The following MAP4K3 variants were observed in gnomAD, a reference collection of about 807,000 sequenced individuals.
The protein encoded by MAP4K3 is MAPK/ERK kinase kinase kinase 3.
A neutral mutation model predicts 143.5 loss-of-function variants in MAP4K3; 94 were observed. That is an observed-to-expected ratio of 0.65 (90% CI 0.55 to 0.78). The LOEUF (loss-of-function observed/expected upper bound fraction) is 0.78. MAP4K3 is among the 30% of genes least tolerant of loss of function. The pLI is 0.00. For synonymous variants in MAP4K3, 416 were observed against 347.2 expected, an observed-to-expected ratio of 1.20 and a Z score of -2.20; for missense variants, 1,077 against 1,068.1, an observed-to-expected ratio of 1.01 and a Z score of -0.12.
Position 39,282,510 on chromosome 2 carries a change from T to C in MAP4K3, c.1629+3A>G. 1 of 1,610,012 alleles carries C rather than the reference T, an allele frequency of 6.2e-7. No individual in the cohort carries two copies. The highest frequency in any genetic ancestry group is 8.5e-7 in the Non-Finnish European group (1 of 1,177,042). On this transcript the variant is annotated splice_donor_region_variant and intron_variant, in intron 22 of 33. Transcript: ENST00000263881. ...CTTAGCCTACTCCATATTTAGTACT[T>C]ACATGCACTTTAGGTGTTGGAGGAA...
chr2:39,353,094 C>G (rs1665504846), intron 3 of MAP4K3, among the ~76,000 whole-genome samples: 1 of 152,216 alleles, frequency 6.6e-6, no homozygotes, highest in Non-Finnish European at 1.5e-5. Flanking sequence ...AGACATCAGA[C>G]TAGCTACTTG....
chr2:39,429,149 A>G (rs913895928), intron 1 of MAP4K3, among the ~76,000 whole-genome samples: 4 of 151,732 alleles, frequency 2.6e-5, no homozygotes, highest in African/African-American at 9.7e-5. Context: ...GTCAGAAACT[A>G]CTAGTACAAT....
At chr2:39,258,862 T>C (rs934957969) in intron 29 of MAP4K3, among the ~76,000 whole-genome samples, 4 of 152,176 alleles carry the variant, frequency 2.6e-5, no homozygotes, top group South Asian at 2.1e-4. Flanking sequence ...AAAACAAACA[T>C]ACTTAAAATA....
chr2:39,335,976 C>A (rs565499698), intron 6 of MAP4K3, among the ~76,000 whole-genome samples: 25 of 151,494 alleles, frequency 1.7e-4, no homozygotes, highest in Middle Eastern at 3.4e-3. Flanking sequence ...TGTTAGAAAA[C>A]AAAAGGGGAA....
intron 21 of MAP4K3, among the ~76,000 whole-genome samples, chr2:39,284,754 G>C (rs1681689497): frequency 6.6e-6 from 1 of 151,680 alleles, no homozygotes; most frequent in Admixed American, 6.6e-5. Context: ...TGAGGCAGGA[G>C]AATCACTTGA....
chr2:39,398,744 A>AATG (rs1253448472), intron 1 of MAP4K3, among the ~76,000 whole-genome samples: 1 of 130,170 alleles, frequency 7.7e-6, no homozygotes, highest in East Asian at 2.2e-4. Context: ...TAATAATAAT[A>AATG]ATGATGATGA....
chr2:39,318,781 T>TA (rs1391258669), intron 12 of MAP4K3, among the ~76,000 whole-genome samples: 1 of 152,176 alleles, frequency 6.6e-6, no homozygotes, highest in Non-Finnish European at 1.5e-5. Context: ...TTTATCATCT[T>TA]AAAGTTCTAT....
At chr2:39,303,535 T>G (rs1363282426) in intron 15 of MAP4K3, among the ~76,000 whole-genome samples, 1 of 152,058 alleles carries the variant, frequency 6.6e-6, no homozygotes, top group East Asian at 1.9e-4. Flanking sequence ...ACATAGTGTT[T>G]TTTGGGTTTT....
intron 3 of MAP4K3, among the ~76,000 whole-genome samples, chr2:39,344,505 A>T (rs1397433765): frequency 6.6e-6 from 1 of 152,226 alleles, no homozygotes; most frequent in Non-Finnish European, 1.5e-5. Context: ...ATACTCATTT[A>T]TTTCTATACT....
At chr2:39,334,931 G>A (rs1683813199) in intron 6 of MAP4K3, among the ~76,000 whole-genome samples, 1 of 152,090 alleles carries the variant, frequency 6.6e-6, no homozygotes, top group African/African-American at 2.4e-5. Context: ...CTCTCCAAAG[G>A]CAGTAATATA....
At chr2:39,266,461 G>C (rs564367405) in intron 27 of MAP4K3, among the ~76,000 whole-genome samples, 2 of 152,260 alleles carry the variant, frequency 1.3e-5, no homozygotes, top group Admixed American at 1.3e-4. Flanking sequence ...ATCCAGCTAA[G>C]CGAATAGTCA....
At chr2:39,322,623 T>C (rs943350872) in intron 12 of MAP4K3, among the ~76,000 whole-genome samples, 1 of 151,568 alleles carries the variant, frequency 6.6e-6, no homozygotes, top group Admixed American at 6.6e-5. Context: ...TGTGTATATA[T>C]GTATATATAG....
chr2:39,319,373 T>A (rs945200624), intron 12 of MAP4K3, among the ~76,000 whole-genome samples: 1 of 152,142 alleles, frequency 6.6e-6, no homozygotes, highest in African/African-American at 2.4e-5. Context: ...AACAAAAGTT[T>A]GAACTGCAGA....
Position 39,325,526 on chromosome 2 carries a change from C to A in MAP4K3, c.910G>T (p.Asp304Tyr). The A allele has an allele frequency of 1.2e-6, 2 of 1,608,936 alleles. No individual in the cohort carries two copies. Among genetic ancestry groups the A allele is most frequent in the South Asian group, 1.1e-5 (1 of 90,804 alleles). The change falls in exon 12 of 34, where the codon GAT becomes TAT. Residue 304 changes from aspartate to tyrosine, a missense_variant. By Grantham distance (160) the Asp-to-Tyr change is radical (BLOSUM62 -3). Around this residue, in one of 2 missense-constraint regions of MAP4K3, gnomAD observed 864 missense variants for 801.2 expected, o/e 1.08. Transcript: ENST00000263881. ...GTAAAAGCAATTCCTACCTCAGGAT[C>A]ATCATCATCGAAATCATGGTAAGTG... is the stretch of plus-strand genomic sequence containing the variant. ...HSTYHDFDDD[D>Y]PEPLVAVPHR...
intron 12 of MAP4K3, among the ~76,000 whole-genome samples, chr2:39,321,191 T>A (rs2148510819): frequency 6.6e-6 from 1 of 152,324 alleles, no homozygotes; most frequent in African/African-American, 2.4e-5. Context: ...AGATTGTTAC[T>A]GTGTCTGTGT....
chr2:39,344,922 C>G (rs954892873), intron 3 of MAP4K3, among the ~76,000 whole-genome samples: 1 of 152,176 alleles, frequency 6.6e-6, no homozygotes, highest in Non-Finnish European at 1.5e-5. Flanking sequence ...CCAGAATAGG[C>G]TGGGTCACAC....
chr2:39,292,658 A>AC, intron 18 of MAP4K3, 115 bp downstream of exon 18: 1 of 828,362 alleles, frequency 1.2e-6, no homozygotes, highest in Non-Finnish European at 2.1e-6. Context: ...CTGAGATACA[A>AC]CCCATGATAT....
intron 2 of MAP4K3, among the ~76,000 whole-genome samples, chr2:39,374,350 A>T (rs1425348650): frequency 3.3e-5 from 5 of 152,042 alleles, no homozygotes; most frequent in African/African-American, 1.2e-4. Context: ...ACAGAGCGAG[A>T]CTCTATCTCA....
At chr2:39,343,802 T>C (rs1665208545) in intron 3 of MAP4K3, among the ~76,000 whole-genome samples, 2 of 152,172 alleles carry the variant, frequency 1.3e-5, no homozygotes, top group Non-Finnish European at 2.9e-5. Flanking sequence ...TCTCAAAGTA[T>C]ACTACTTTGA....
Sources: gnomAD v4.1 joint callset for allele counts (sites outside exome capture counted in the v4.1 genomes callset) on GRCh38, gnomAD v4.1.1 for gene constraint, gnomAD v4.1.1 regional missense constraint, MANE v1.5 for transcripts, NCBI Gene and HGNC (gene_info 2026-07-23, HGNC 2026-07-21) for gene names.